The following SH3RF2 variants were observed in gnomAD, a reference collection of about 807,000 sequenced individuals.
SH3RF2 encodes E3 ubiquitin-protein ligase SH3RF2.
Under a neutral mutation model 59.0 loss-of-function variants are expected in SH3RF2, and 43 were observed. That is an observed-to-expected ratio of 0.73 (90% confidence interval 0.57 to 0.94). The LOEUF (loss-of-function observed/expected upper bound fraction) is 0.94. SH3RF2 is among the 40% of genes least tolerant of loss of function. SH3RF2 has a pLI of 0.00. For missense variants in SH3RF2, 930 were observed against 940.1 expected (o/e 0.99, Z 0.14); for synonymous variants, 391 against 391.5 (o/e 1.00, Z 0.01).
chr5:146,075,171 G>C (rs1763317848), intron 9 of SH3RF2, among the ~76,000 whole-genome samples: 1 of 152,250 alleles, frequency 6.6e-6, no homozygotes, highest in Non-Finnish European at 1.5e-5. Context: ...CTACCTGTAG[G>C]ATTTTCTATT....
intron 3 of SH3RF2, among the ~76,000 whole-genome samples, chr5:146,000,626 C>T (rs1198385441): frequency 6.6e-6 from 1 of 152,086 alleles, no homozygotes; most frequent in Non-Finnish European, 1.5e-5. Context: ...CAAAAGTATT[C>T]ACTCATTCAT....
At chr5:146,011,304 C>A (rs1003261815) in intron 4 of SH3RF2, among the ~76,000 whole-genome samples, 12 of 152,150 alleles carry the variant, frequency 7.9e-5, no homozygotes, top group African/African-American at 2.9e-4. Flanking sequence ...AGTTTGAAGT[C>A]AGGTAGCGTG....
At chr5:146,025,296 A>G (rs976701028) in intron 5 of SH3RF2, among the ~76,000 whole-genome samples, 1 of 152,070 alleles carries the variant, frequency 6.6e-6, no homozygotes, top group Non-Finnish European at 1.5e-5. Context: ...CTGAACAGCC[A>G]CCCCTTTTTC....
At chr5:145,942,283 A>G (rs1441290647) in intron 2 of SH3RF2, among the ~76,000 whole-genome samples, 2 of 152,074 alleles carry the variant, frequency 1.3e-5, no homozygotes, top group Admixed American at 6.5e-5. Flanking sequence ...CTATTCCCCA[A>G]CACAAATATT....
chr5:146,056,904 G>A (rs960520725), intron 8 of SH3RF2, among the ~76,000 whole-genome samples: 17 of 152,114 alleles, frequency 1.1e-4, no homozygotes, highest in African/African-American at 4.1e-4. Flanking sequence ...ACAGATTCTT[G>A]AGAACTATGC....
At chr5:145,963,855 T>C (rs1358350515) in intron 2 of SH3RF2, among the ~76,000 whole-genome samples, 2 of 150,484 alleles carry the variant, frequency 1.3e-5, no homozygotes, top group African/African-American at 2.4e-5. Flanking sequence ...TTTTTTGAGA[T>C]GGAGTCTCGC....
intron 2 of SH3RF2, among the ~76,000 whole-genome samples, chr5:145,993,109 G>A (rs1241312593): frequency 6.6e-6 from 1 of 152,154 alleles, no homozygotes; most frequent in Non-Finnish European, 1.5e-5. Context: ...CAGGCCCCAT[G>A]CAAGTCCAAA....
intron 2 of SH3RF2, chr5:145,997,138 A>G (rs1466704310): frequency 3.0e-5 from 20 of 666,410 alleles, no homozygotes; most frequent in Non-Finnish European, 4.9e-5. Context: ...TCACCCAGCA[A>G]TGAATGAGAC....
chr5:145,998,738 C>A (rs982035347), intron 2 of SH3RF2, among the ~76,000 whole-genome samples: 4 of 152,070 alleles, frequency 2.6e-5, no homozygotes, highest in Non-Finnish European at 4.4e-5. Context: ...TAGTGAAACC[C>A]CGTCTCCACC....
chr5:145,986,895 C>T (rs2149973640), intron 2 of SH3RF2, among the ~76,000 whole-genome samples: 1 of 152,322 alleles, frequency 6.6e-6, no homozygotes, highest in East Asian at 1.9e-4. Flanking sequence ...ACTCCTACTT[C>T]CTTCCCTTTT....
chr5:145,948,043 TGAA>T (rs1398183353), intron 2 of SH3RF2, among the ~76,000 whole-genome samples: 2 of 152,204 alleles, frequency 1.3e-5, no homozygotes, highest in Non-Finnish European at 2.9e-5. Flanking sequence ...AGAGCACAGA[TGAA>T]GAACTGGTCA....
chr5:145,988,009 A>G, intron 2 of SH3RF2, among the ~76,000 whole-genome samples: 1 of 152,156 alleles, frequency 6.6e-6, no homozygotes. Context: ...CATTATACTC[A>G]TGGTTATAGT....
chr5:146,059,834 G>A (rs759648751), intron 8 of SH3RF2, 32 bp from the exon 9 acceptor site: 7 of 1,391,404 alleles, frequency 5.0e-6, no homozygotes, highest in Admixed American at 2.9e-5. Flanking sequence ...AGCCGCCCCT[G>A]CTGCTGATCT....
chr5:145,958,751 A>T (rs1049190853), intron 2 of SH3RF2, among the ~76,000 whole-genome samples: 14 of 152,118 alleles, frequency 9.2e-5, no homozygotes, highest in African/African-American at 3.4e-4. Flanking sequence ...TTCATATTTC[A>T]CCAAACTGCT....
intron 2 of SH3RF2, among the ~76,000 whole-genome samples, chr5:145,983,462 C>G (rs1156333595): frequency 6.6e-6 from 1 of 152,112 alleles, no homozygotes; most frequent in Non-Finnish European, 1.5e-5. Flanking sequence ...GTAACAGGCC[C>G]ACCCAAATCC....
At chr5:146,073,692 C>T (rs140631151) in intron 9 of SH3RF2, among the ~76,000 whole-genome samples, 100 of 152,206 alleles carry the variant, frequency 6.6e-4, no homozygotes, top group East Asian at 3.5e-3. Context: ...TGAGCATCTA[C>T]TATGGGCTAT....
chr5:146,064,771 G>GAAGGAAAGAAAGA (rs1763038740), downstream of SH3RF2, among the ~76,000 whole-genome samples: 7 of 24,438 alleles, frequency 2.9e-4, no homozygotes, highest in African/African-American at 8.1e-4. Flanking sequence ...AGGAAGGAAG[G>GAAGGAAAGAAAGA]AAGGAAAGGA....
At chr5:145,980,303 T>C (rs1238524998) in intron 2 of SH3RF2, among the ~76,000 whole-genome samples, 1 of 152,228 alleles carries the variant, frequency 6.6e-6, no homozygotes, top group African/African-American at 2.4e-5. Flanking sequence ...TTCCAGGCTT[T>C]ATCTTTGTGT....
At chr5:145,986,277 C>T (rs1305946607) in intron 2 of SH3RF2, among the ~76,000 whole-genome samples, 4 of 152,098 alleles carry the variant, frequency 2.6e-5, no homozygotes, top group African/African-American at 4.8e-5. Flanking sequence ...AGGAGAAAGC[C>T]GGGGTAGAGC....
Sources: gnomAD v4.1 joint callset for allele counts (sites outside exome capture counted in the v4.1 genomes callset) on GRCh38, gnomAD v4.1.1 for gene constraint, MANE v1.5 for transcripts, NCBI Gene and HGNC (gene_info 2026-07-23, HGNC 2026-07-21) for gene names.